Variants in CLEC16A observed in about 807,000 individuals in gnomAD.
CLEC16A encodes the protein C-type lectin domain containing 16A, also known as protein CLEC16A.
Under a neutral mutation model 109.5 loss-of-function variants are expected in CLEC16A, and 51 were observed. That is an observed-to-expected ratio of 0.47 (90% confidence interval 0.37 to 0.59). The LOEUF (loss-of-function observed/expected upper bound fraction) is 0.59. CLEC16A is among the 20% of genes least tolerant of loss of function. The pLI, the probability that CLEC16A is intolerant of heterozygous loss-of-function variation, is 0.00. For synonymous variants in CLEC16A, 673 were observed against 564.2 expected, an observed-to-expected ratio of 1.19 and a Z score of -2.73; for missense variants, 1,339 against 1,394.0, an observed-to-expected ratio of 0.96 and a Z score of 0.63.
intron 22 of CLEC16A, chr16:11,156,741 C>G: frequency 8.9e-7 from 1 of 1,120,060 alleles, no homozygotes. Context: ...CCTTGGGAAT[C>G]AAGCCCAGCC....
intron 20 of CLEC16A, among the ~76,000 whole-genome samples, chr16:11,121,879 C>CAAAA (rs536067685): frequency 6.7e-5 from 2 of 29,818 alleles, no homozygotes; most frequent in African/African-American, 1.5e-4. Flanking sequence ...GACCCTGTCT[C>CAAAA]AAAAAAAAAA....
At chr16:11,042,407 G>A (rs1199251210) in intron 15 of CLEC16A, 44 bp downstream of exon 15, 1 of 1,388,868 alleles carries the variant, frequency 7.2e-7, no homozygotes, top group Non-Finnish European at 9.9e-7. Context: ...CAAGGGAGAG[G>A]GACAGGAGGA....
At chr16:11,125,047 C>T (rs1336507943) in intron 21 of CLEC16A, among the ~76,000 whole-genome samples, 1 of 152,146 alleles carries the variant, frequency 6.6e-6, no homozygotes, top group Non-Finnish European at 1.5e-5. Flanking sequence ...CATGATTGCA[C>T]CACTGCACTC....
chr16:11,167,875 T>G (rs566008158), intron 23 of CLEC16A, among the ~76,000 whole-genome samples: 1 of 152,312 alleles, frequency 6.6e-6, no homozygotes, highest in South Asian at 2.1e-4. Context: ...CAGAGCTTCT[T>G]TCAGAAACTA....
intron 10 of CLEC16A, among the ~76,000 whole-genome samples, chr16:10,999,941 A>G (rs1176682732): frequency 6.6e-6 from 1 of 152,116 alleles, no homozygotes; most frequent in East Asian, 1.9e-4. Flanking sequence ...GGTTCGATCG[A>G]TTCTCTTGCC....
intron 13 of CLEC16A, among the ~76,000 whole-genome samples, chr16:11,025,732 A>G (rs2046369597): frequency 7.6e-6 from 1 of 131,984 alleles, no homozygotes; most frequent in African/African-American, 3.3e-5. Context: ...GAGGCATTAG[A>G]ACATACATGA....
At chr16:11,113,501 A>G (rs151171847) in intron 19 of CLEC16A, among the ~76,000 whole-genome samples, 14 of 152,224 alleles carry the variant, frequency 9.2e-5, no homozygotes, top group African/African-American at 3.1e-4. Context: ...TCTACAAAAA[A>G]TAAAGAATTA....
Position 11,115,121 on chromosome 16 carries a change from TG to T in CLEC16A, c.2117-5491del, listed in dbSNP as rs1189271097. Among the ~76,000 whole-genome samples the T allele has an allele frequency of 2.6e-5, 4 of 152,306 alleles. 1 individual carries two copies. Among genetic ancestry groups the T allele is most frequent in the Admixed American group, 2.0e-4 (3 of 15,290 alleles). ...GGCTCTATGAGGGAGTCGCACTGCC[TG>T]GGACAAACCCCATTGACACTGACGT... On this transcript the variant is annotated intron_variant, in intron 19 of 23. Transcript: ENST00000409790.
chr16:10,963,372 G>A (rs921141253), intron 3 of CLEC16A, among the ~76,000 whole-genome samples: 4 of 152,222 alleles, frequency 2.6e-5, no homozygotes, highest in African/African-American at 9.7e-5. Context: ...ACATAGTTCA[G>A]TCCCTAAGCC....
At chr16:11,020,841 ATCT>A (rs1310832309) in intron 12 of CLEC16A, among the ~76,000 whole-genome samples, 1 of 152,218 alleles carries the variant, frequency 6.6e-6, no homozygotes, top group African/African-American at 2.4e-5. Flanking sequence ...CTGTAGCTAC[ATCT>A]TCTTAAACCT....
intron 15 of CLEC16A, 116 bp downstream of exon 15, chr16:11,042,479 C>A: frequency 1.4e-6 from 1 of 728,212 alleles, no homozygotes; most frequent in African/African-American, 1.8e-5. Flanking sequence ...CGGTCACCAG[C>A]TAGAAGCAGC....
chr16:10,972,868 T>C, intron 6 of CLEC16A, 70 bp from the exon 7 acceptor site: 2 of 1,250,054 alleles, frequency 1.6e-6, no homozygotes, highest in Non-Finnish European at 2.1e-6. Context: ...TTTGTTTTTG[T>C]TTTTTTTTTA....
At chr16:11,120,487 G>A in intron 19 of CLEC16A, 128 bp from the exon 20 acceptor site, 1 of 952,800 alleles carries the variant, frequency 1.0e-6, no homozygotes, top group Non-Finnish European at 1.5e-6. Flanking sequence ...ACCTAGGTCT[G>A]TGTGACTCTA....
Position 11,123,918 on chromosome 16 carries a change from A to C in CLEC16A, c.2445A>C (p.Ala815=). 1.2e-6 allele frequency: 2 copies of C among 1,612,738 alleles called. No individual in the cohort carries two copies. The highest frequency in any genetic ancestry group is 1.7e-6 in the Non-Finnish European group (2 of 1,179,400). ...KQRLAKGRIQ[A]RRMKMQRIAA... is the part of the protein sequence containing the mutation. ...GCCTGGCCAAAGGCCGCATCCAGGC[A>C]AGGCGCATGAAGATGCAGAGAATAG... is the stretch of plus-strand genomic sequence containing the variant. The change falls in exon 21 of 24, where the codon GCA becomes GCC. Residue 815 remains alanine, a synonymous_variant. Coordinates refer to ENST00000409790, the MANE Select transcript of CLEC16A (RefSeq NM_015226.3).
intron 19 of CLEC16A, among the ~76,000 whole-genome samples, chr16:11,082,522 G>A (rs2049781225): frequency 1.3e-5 from 2 of 152,202 alleles, no homozygotes; most frequent in East Asian, 1.9e-4. Context: ...ACTTGATGAG[G>A]CTTCTATCCC....
intron 13 of CLEC16A, chr16:11,027,366 AT>A: frequency 7.1e-7 from 1 of 1,408,224 alleles, no homozygotes; most frequent in Non-Finnish European, 1.0e-6. Flanking sequence ...CCTAAAGAAA[AT>A]TTTTAGTGGT....
chr16:10,962,213 T>TAC (rs2042281855), intron 2 of CLEC16A, among the ~76,000 whole-genome samples: 1 of 152,118 alleles, frequency 6.6e-6, no homozygotes, highest in African/African-American at 2.4e-5. Flanking sequence ...CCTCCCAAAG[T>TAC]ACTGGGATTG....
intron 17 of CLEC16A, among the ~76,000 whole-genome samples, chr16:11,048,935 C>G (rs1324493370): frequency 6.6e-6 from 1 of 152,004 alleles, no homozygotes. Flanking sequence ...AGCTTGAGCT[C>G]TTAAACCCCT....
chr16:11,100,999 C>T (rs142982708), intron 19 of CLEC16A, among the ~76,000 whole-genome samples: 68 of 152,280 alleles, frequency 4.5e-4, no homozygotes, highest in Middle Eastern at 3.4e-3. Context: ...AGCCCTGCAG[C>T]CCTAGTACCT....
Sources: allele counts gnomAD v4.1 joint callset (sites outside exome capture counted in the v4.1 genomes callset), GRCh38; gene constraint gnomAD v4.1.1; transcripts MANE v1.5; gene names NCBI Gene and HGNC (gene_info 2026-07-23, HGNC 2026-07-21).